The following NRXN1 variants were observed in gnomAD, a reference collection of about 807,000 sequenced individuals.
NRXN1 encodes the protein neurexin 1, also known as neurexin-1.
NRXN1 carries 39 observed loss-of-function variants against 150.9 expected under a neutral mutation model. The observed-to-expected ratio is 0.26, with a 90% CI of 0.20 to 0.34. The LOEUF is 0.34. NRXN1 is among the 10% of genes least tolerant of loss of function. NRXN1 has a pLI of 1.00. For missense variants in NRXN1, 1,815 were observed against 1,949.9 expected (o/e 0.93, Z 1.30); for synonymous variants, 924 against 757.0 (o/e 1.22, Z -3.62).
intron 17 of NRXN1, among the ~76,000 whole-genome samples, chr2:50,333,929 C>G (rs1273315029): frequency 1.3e-5 from 2 of 151,956 alleles, no homozygotes; most frequent in Non-Finnish European, 2.9e-5. Context: ...AAAGTCAACT[C>G]CCTGCAAGTC....
chr2:50,636,299 G>A (rs967998458), intron 5 of NRXN1, among the ~76,000 whole-genome samples: 2 of 151,946 alleles, frequency 1.3e-5, no homozygotes, highest in East Asian at 1.9e-4. Flanking sequence ...TAAGAATTAC[G>A]AGAGTGAAAC....
chr2:50,199,466 A>G (rs1408550672), intron 18 of NRXN1, among the ~76,000 whole-genome samples: 4 of 152,082 alleles, frequency 2.6e-5, no homozygotes, highest in African/African-American at 7.2e-5. Flanking sequence ...AAGAAACTAA[A>G]ACAAATATAA....
intron 12 of NRXN1, among the ~76,000 whole-genome samples, chr2:50,519,276 T>C (rs2092715021): frequency 6.6e-6 from 1 of 152,022 alleles, no homozygotes; most frequent in Admixed American, 6.6e-5. Flanking sequence ...ATGACAGTGC[T>C]AACTTAATTG....
chr2:50,738,577 C>T (rs1285043873), intron 5 of NRXN1, among the ~76,000 whole-genome samples: 1 of 152,192 alleles, frequency 6.6e-6, no homozygotes, highest in African/African-American at 2.4e-5. Context: ...CAAGAGAATG[C>T]ATGAGTTCTT....
intron 8 of NRXN1, among the ~76,000 whole-genome samples, chr2:50,556,702 A>G (rs1401655038): frequency 6.6e-6 from 1 of 152,252 alleles, no homozygotes; most frequent in Middle Eastern, 3.4e-3. Context: ...ACTGAGTATT[A>G]TCTTTGATCT....
At chr2:50,959,914 C>G (rs1692875831) in intron 2 of NRXN1, among the ~76,000 whole-genome samples, 1 of 151,854 alleles carries the variant, frequency 6.6e-6, no homozygotes, top group Admixed American at 6.6e-5. Context: ...AATGACTTGT[C>G]CAAAATTGCA....
intron 2 of NRXN1, among the ~76,000 whole-genome samples, chr2:51,017,849 A>G (rs1030021758): frequency 3.9e-5 from 6 of 152,228 alleles, no homozygotes; most frequent in Admixed American, 2.0e-4. Flanking sequence ...ATTTTTCACC[A>G]AAGTTAAAGA....
intron 18 of NRXN1, among the ~76,000 whole-genome samples, chr2:50,104,749 C>A (rs1023795094): frequency 6.6e-6 from 1 of 152,002 alleles, no homozygotes; most frequent in Non-Finnish European, 1.5e-5. Flanking sequence ...CAGTCCAATT[C>A]CAGATTTTGT....
At chr2:50,147,142 G>C (rs1351652431) in intron 18 of NRXN1, among the ~76,000 whole-genome samples, 2 of 151,684 alleles carry the variant, frequency 1.3e-5, no homozygotes. Flanking sequence ...GGATCATCAG[G>C]AGGTCAGAGT....
chr2:50,695,542 T>C (rs1465213630), intron 5 of NRXN1, among the ~76,000 whole-genome samples: 1 of 152,208 alleles, frequency 6.6e-6, no homozygotes. Context: ...AACATTAGTC[T>C]ATTTCCATTT....
chr2:50,561,094 A>G (rs571360424), intron 8 of NRXN1, among the ~76,000 whole-genome samples: 1 of 152,192 alleles, frequency 6.6e-6, no homozygotes, highest in Non-Finnish European at 1.5e-5. Flanking sequence ...GGGGAAGAAA[A>G]AGGAAAAGAA....
intron 18 of NRXN1, among the ~76,000 whole-genome samples, chr2:50,121,575 G>A (rs896983639): frequency 2.0e-5 from 3 of 152,100 alleles, no homozygotes; most frequent in African/African-American, 7.2e-5. Context: ...CTGTGTGCAG[G>A]GGAATGTTTC....
intron 8 of NRXN1, among the ~76,000 whole-genome samples, chr2:50,562,213 C>T (rs1669193529): frequency 6.6e-6 from 1 of 152,026 alleles, no homozygotes; most frequent in African/African-American, 2.4e-5. Context: ...TTTCCTCCAC[C>T]ACTTAATTTT....
At chr2:50,197,566 T>C (rs2061857599) in intron 18 of NRXN1, among the ~76,000 whole-genome samples, 1 of 152,192 alleles carries the variant, frequency 6.6e-6, no homozygotes, top group Non-Finnish European at 1.5e-5. Context: ...TGTTTTGCTT[T>C]AAAAAGTTTT....
chr2:50,493,287 G>A (rs780491612), intron 15 of NRXN1, among the ~76,000 whole-genome samples: 7 of 152,082 alleles, frequency 4.6e-5, no homozygotes, highest in African/African-American at 7.2e-5. Context: ...ATTCCAGCAG[G>A]CATCCAGGTG....
intron 2 of NRXN1, among the ~76,000 whole-genome samples, chr2:51,022,339 T>C (rs980395135): frequency 6.6e-6 from 1 of 152,098 alleles, no homozygotes; most frequent in African/African-American, 2.4e-5. Context: ...AATTGAGGAA[T>C]AGAAAGTTTG....
rs1340031391 is a variant in NRXN1, at chr2:50,175,269, A to G, written c.3546+61520T>C. 3 of 152,198 alleles carry G rather than the reference A, an allele frequency of 2.0e-5. No individual in the cohort carries two copies. The East Asian group carries it at 5.8e-4, about 29-fold the overall frequency. 9.4% of individuals were successfully genotyped at this position (152,198 alleles called of 1,614,324 possible). A position where few individuals can be genotyped will look rare whatever the true frequency, so the allele number is the denominator to read the frequency against. On this transcript the variant is annotated intron_variant, in intron 18 of 22. Coordinates refer to ENST00000401669, the MANE Select transcript of NRXN1 (RefSeq NM_001330078.2). ...TCAAGTGCACATGCTTTCTAACTCA[A>G]TGGTTATAAAGAAGTTATAGGTAAC... is the stretch of plus-strand genomic sequence containing the variant.
intron 18 of NRXN1, among the ~76,000 whole-genome samples, chr2:50,225,641 G>A (rs1470437325): frequency 6.6e-6 from 1 of 151,898 alleles, no homozygotes; most frequent in African/African-American, 2.4e-5. Flanking sequence ...AAAAAGAGAA[G>A]GACAGGTAGG....
chr2:50,081,847 C>T (rs970896), intron 19 of NRXN1, among the ~76,000 whole-genome samples: 32 of 151,900 alleles, frequency 2.1e-4, no homozygotes, highest in African/African-American at 3.1e-4. Context: ...GAAAGTATTA[C>T]GAGAAAGGCT....
Sources: gnomAD v4.1 joint callset for allele counts (sites outside exome capture counted in the v4.1 genomes callset) on GRCh38, gnomAD v4.1.1 for gene constraint, MANE v1.5 for transcripts, NCBI Gene and HGNC (gene_info 2026-07-23, HGNC 2026-07-21) for gene names.